Variants in MET observed in about 807,000 individuals in gnomAD.
MET encodes hepatocyte growth factor receptor.
Under a neutral mutation model 133.1 loss-of-function variants are expected in MET, and 48 were observed. The observed-to-expected ratio is 0.36, with a 90% confidence interval of 0.29 to 0.46. The LOEUF (loss-of-function observed/expected upper bound fraction) is 0.46. Ranked by LOEUF, MET falls within the 20% of genes least tolerant of loss-of-function variation. MET has a pLI of 1.00. For synonymous variants in MET, 628 were observed against 616.5 expected (o/e 1.02, Z -0.28); for missense variants, 1,442 against 1,695.9 (o/e 0.85, Z 2.63).
chr7:116,765,286 C>CAAA (rs754418396), intron 11 of MET, among the ~76,000 whole-genome samples: 30 of 31,710 alleles, frequency 9.5e-4, no homozygotes, highest in Non-Finnish European at 1.2e-3. Flanking sequence ...GGAGACAGAG[C>CAAA]AAAAAAAAAA....
chr7:116,704,002 C>T (rs1330421176), intron 2 of MET, among the ~76,000 whole-genome samples: 3 of 152,088 alleles, frequency 2.0e-5, no homozygotes, highest in Admixed American at 1.3e-4. Flanking sequence ...CAAGTATTTT[C>T]GCCAACATCT....
At chr7:116,747,913 T>A (rs1793755133) in intron 5 of MET, among the ~76,000 whole-genome samples, 3 of 152,180 alleles carry the variant, frequency 2.0e-5, no homozygotes, top group Non-Finnish European at 4.4e-5. Flanking sequence ...AAACAGTCTC[T>A]CAGATGACAC....
At chr7:116,705,585 C>G (rs551839201) in intron 2 of MET, among the ~76,000 whole-genome samples, 24 of 152,210 alleles carry the variant, frequency 1.6e-4, no homozygotes, top group Admixed American at 1.0e-3. Context: ...TATTAGACAG[C>G]CTTTCAAACC....
chr7:116,693,597 C>G (rs1562879671), intron 1 of MET, among the ~76,000 whole-genome samples: 1 of 152,180 alleles, frequency 6.6e-6, no homozygotes, highest in South Asian at 2.1e-4. Context: ...GAGGAAAGCA[C>G]CATGATTGAT....
chr7:116,777,795 C>T (rs920062693), intron 16 of MET, among the ~76,000 whole-genome samples: 7 of 152,092 alleles, frequency 4.6e-5, no homozygotes, highest in African/African-American at 1.7e-4. Flanking sequence ...AGCATGTTGG[C>T]ACCTACAGTA....
intron 8 of MET, 162 bp downstream of exon 8, chr7:116,757,936 A>G: frequency 1.3e-6 from 1 of 756,952 alleles, no homozygotes; most frequent in Non-Finnish European, 2.1e-6. Context: ...AAATTCATCT[A>G]CTCCTTTTGC....
chr7:116,783,793 C>T (rs750421436), intron 19 of MET, among the ~76,000 whole-genome samples: 4 of 152,152 alleles, frequency 2.6e-5, no homozygotes, highest in Non-Finnish European at 1.5e-5. Context: ...ACACAGGTGG[C>T]CTGGAATGGG....
chr7:116,731,564 C>G (rs1793003654), intron 2 of MET, 104 bp from the exon 3 acceptor site: 2 of 1,173,882 alleles, frequency 1.7e-6, no homozygotes, highest in East Asian at 4.7e-5. Flanking sequence ...GCATGATTAT[C>G]CTTGCCATTA....
intron 5 of MET, among the ~76,000 whole-genome samples, chr7:116,755,036 G>GAAAGAAAGAAAGAAAGA (rs1554394838): frequency 1.3e-4 from 19 of 151,470 alleles, no homozygotes; most frequent in East Asian, 1.2e-3. Flanking sequence ...AAGAAAGAAA[G>GAAAGAAAGAAAGAAAGA]AAAGAAAAGA....
chr7:116,789,444 G>A (rs1364670796), intron 19 of MET, among the ~76,000 whole-genome samples: 1 of 152,114 alleles, frequency 6.6e-6, no homozygotes, highest in Non-Finnish European at 1.5e-5. Flanking sequence ...TCTTTTCAGT[G>A]TTCGGTTTTT....
At chr7:116,701,953 TA>T (rs1298322992) in intron 2 of MET, among the ~76,000 whole-genome samples, 11 of 152,158 alleles carry the variant, frequency 7.2e-5, no homozygotes, top group Non-Finnish European at 1.5e-5. Flanking sequence ...AGAAAAAAAT[TA>T]AAAAGAGAAT....
intron 1 of MET, among the ~76,000 whole-genome samples, chr7:116,678,670 A>G (rs1272933112): frequency 1.3e-5 from 2 of 152,174 alleles, no homozygotes; most frequent in East Asian, 3.8e-4. Context: ...TTGGGTCCAT[A>G]AGACAATTCA....
At chr7:116,790,482 T>C (rs1014797297) in intron 19 of MET, among the ~76,000 whole-genome samples, 6 of 152,254 alleles carry the variant, frequency 3.9e-5, no homozygotes, top group Non-Finnish European at 7.3e-5. Flanking sequence ...ATTGTACATA[T>C]ATGCCACATT....
intron 3 of MET, among the ~76,000 whole-genome samples, chr7:116,735,682 C>T (rs1305943122): frequency 6.6e-6 from 1 of 152,046 alleles, no homozygotes; most frequent in African/African-American, 2.4e-5. Flanking sequence ...CTAACTTACC[C>T]ATCTCTTTTA....
rs918925719 is a variant in MET at position 116,796,212 on chromosome 7, C to T, written c.*88C>T. The T allele has an allele frequency of 4.0e-6, 5 of 1,260,856 alleles. No individual in the cohort carries two copies. The East Asian group carries it at 6.9e-5, about 17-fold the overall frequency. 78.1% of individuals were successfully genotyped at this position (1,260,856 alleles called of 1,614,324 possible). On this transcript the variant is annotated 3_prime_UTR_variant, in exon 21 of 21. Coordinates refer to ENST00000397752, the MANE Select transcript of MET (RefSeq NM_000245.4). ...TTTAAAAGGCCATCGATATTCTTTG[C>T]TCTTGCCAAAATTGCACTATTATAG...
In MET at chr7:116,775,430, G is replaced by A. The variant is rs144731030; in HGVS notation, c.3259+319G>A. ...TTTCTTCTAAAACTCAGGGCCAGGC[G>A]CAGTGGCTCACACGTGTAATCCCAG... On this transcript the variant is annotated intron_variant, in intron 15 of 20. Coordinates refer to ENST00000397752, the MANE Select transcript of MET (RefSeq NM_000245.4). Among the ~76,000 whole-genome samples the A allele has an allele frequency of 4.3e-4, 65 of 152,220 alleles. No individual in the cohort carries two copies. In the East Asian group the frequency reaches 0.011, roughly 26 times the overall value.
chr7:116,699,177 A>T lies in MET; in HGVS notation c.93A>T (p.Ala31=), dbSNP rs763196530. 6.2e-7 allele frequency: 1 copy of T among 1,613,956 alleles called. No individual in the cohort carries two copies. The highest frequency in any genetic ancestry group is 8.5e-7 in the Non-Finnish European group (1 of 1,179,892). ...RSNGECKEAL[A]KSEMNVNMKY... ...ATGGGGAGTGTAAAGAGGCACTAGCAAAGTCCGAGATGAATGTGAATATGA... is the reference window on the plus strand; with the variant it reads ...ATGGGGAGTGTAAAGAGGCACTAGCTAAGTCCGAGATGAATGTGAATATGA... Residue 31 remains alanine, a synonymous_variant, in exon 2 of 21, where the codon GCA becomes GCT. Transcript: ENST00000397752.
At chr7:116,755,044 A>AAAGAAAGAAAG (rs1794125408) in intron 5 of MET, among the ~76,000 whole-genome samples, 1 of 143,776 alleles carries the variant, frequency 7.0e-6, no homozygotes, top group African/African-American at 2.6e-5. Flanking sequence ...AAGAAAGAAA[A>AAAGAAAGAAAG]GAAAGAAAGA....
At position 116,696,329 on chromosome 7, in the gene MET, G is replaced by A. The variant is rs137856686; in HGVS notation, c.-14-2742G>A. 2.4e-4 allele frequency among the ~76,000 whole-genome samples: 37 copies of A among 152,198 alleles called. No homozygotes were observed. The East Asian group carries it at 4.4e-3, about 18-fold the overall frequency. Reference sequence around the variant, plus strand: ...CTTTGTAGACATCCAATAAATGTTAGTAGAAGAAAGGGGGGTCCTGCCAAT... The same window carrying A: ...CTTTGTAGACATCCAATAAATGTTAATAGAAGAAAGGGGGGTCCTGCCAAT... On this transcript the variant is annotated intron_variant, in intron 1 of 20. Transcript: ENST00000397752.
Sources: allele counts gnomAD v4.1 joint callset (sites outside exome capture counted in the v4.1 genomes callset), GRCh38; gene constraint gnomAD v4.1.1; transcripts MANE v1.5; gene names NCBI Gene and HGNC (gene_info 2026-07-23, HGNC 2026-07-21).